MACROD2: variants seen among roughly 807,000 people sequenced by gnomAD.
The protein encoded by MACROD2 is mono-ADP ribosylhydrolase 2.
In MACROD2, 36 loss-of-function variants were observed where a neutral mutation model predicts 70.4. That is an observed-to-expected ratio of 0.51 (90% CI 0.39 to 0.68). MACROD2 has a LOEUF of 0.68. MACROD2 is among the 30% of genes least tolerant of loss of function. The probability of loss-of-function intolerance (pLI) is 0.00; values close to 1 mark genes in which losing one functional copy is unlikely to be tolerated. For missense variants in MACROD2, 496 were observed against 538.4 expected, an observed-to-expected ratio of 0.92 and a Z score of 0.78; for synonymous variants, 172 against 178.8, an observed-to-expected ratio of 0.96 and a Z score of 0.30.
rs571289595 is a variant in MACROD2, at chr20:15,101,438, T to TCCTCTC, written c.419-128498_419-128493dup. Among the ~76,000 whole-genome samples, 509 of 151,284 alleles carry TCCTCTC rather than the reference T, an allele frequency of 3.4e-3. 11 individuals carry two copies. Among genetic ancestry groups the TCCTCTC allele is most frequent in the African/African-American group, 0.012 (488 of 41,228 alleles). Reference sequence around the variant, plus strand: ...GCCATTGTAGAATGCCAGACTACTTTCCTCTCCCTTTTACATGTGATAGAC... The same window carrying TCCTCTC: ...GCCATTGTAGAATGCCAGACTACTTTCCTCTCCCTCTCCCTTTTACATGTGATAGAC... On this transcript the variant is annotated intron_variant, in intron 5 of 17. Transcript: ENST00000684519.
At chr20:15,034,540 A>ACAT (rs2075298743) in intron 5 of MACROD2, among the ~76,000 whole-genome samples, 2 of 151,932 alleles carry the variant, frequency 1.3e-5, no homozygotes, top group Non-Finnish European at 2.9e-5. Flanking sequence ...GATTTATAAT[A>ACAT]GAAAGTACAA....
intron 3 of MACROD2, among the ~76,000 whole-genome samples, chr20:14,165,221 C>G (rs2055250435): frequency 6.6e-6 from 1 of 152,136 alleles, no homozygotes; most frequent in African/African-American, 2.4e-5. Context: ...AGTCTCCAGG[C>G]AGCTCTCTAT....
intron 5 of MACROD2, among the ~76,000 whole-genome samples, chr20:15,002,836 A>C (rs559803724): frequency 6.6e-6 from 1 of 152,290 alleles, no homozygotes; most frequent in African/African-American, 2.4e-5. Context: ...ATTTGGGCCC[A>C]CTATTGTCAA....
intron 5 of MACROD2, among the ~76,000 whole-genome samples, chr20:15,070,902 T>C (rs1184560655): frequency 6.8e-6 from 1 of 147,642 alleles, no homozygotes; most frequent in East Asian, 1.9e-4. Flanking sequence ...TTGTTTTGTT[T>C]TGTTTTTGGA....
chr20:15,499,489 A>G lies in MACROD2; in HGVS notation c.572-285A>G, dbSNP rs145612608. Among the ~76,000 whole-genome samples the G allele has an allele frequency of 5.4e-3, 815 of 152,290 alleles. 4 individuals are homozygous for G. Among genetic ancestry groups the G allele is most frequent in the Admixed American group, 0.012 (182 of 15,284 alleles). Reference sequence around the variant, plus strand: ...GAAAGTATATTGTAATCTATTATGCATATGTAAATATGTTTTTAATTGATA... The same window carrying G: ...GAAAGTATATTGTAATCTATTATGCGTATGTAAATATGTTTTTAATTGATA... On this transcript the variant is annotated intron_variant, in intron 7 of 17. Coordinates refer to ENST00000684519, the MANE Select transcript of MACROD2 (RefSeq NM_001351661.2).
rs143691172 is a variant in MACROD2, at chr20:14,008,266, C to T, written c.163+5862C>T. On this transcript the variant is annotated intron_variant, in intron 2 of 17. Transcript: ENST00000684519. ...AGCTTTTCAAGCTGATAAGCAACTT[C>T]AGCAAAGTCTCAGGATACAAAATAA... 3.7e-3 allele frequency among the ~76,000 whole-genome samples: 559 copies of T among 152,318 alleles called. 1 individual carries two copies. The highest frequency in any genetic ancestry group is 6.2e-3 in the Non-Finnish European group (423 of 68,024).
chr20:15,780,242 A>G (rs1390925212), intron 8 of MACROD2, among the ~76,000 whole-genome samples: 2 of 152,170 alleles, frequency 1.3e-5, no homozygotes, highest in African/African-American at 4.8e-5. Context: ...TATTTATTTA[A>G]GATTCTAGAA....
At chr20:14,019,068 G>T (rs932240217) in intron 2 of MACROD2, among the ~76,000 whole-genome samples, 5 of 152,062 alleles carry the variant, frequency 3.3e-5, no homozygotes, top group African/African-American at 1.2e-4. Flanking sequence ...GGCACTCCTT[G>T]CTTCTTAATT....
chr20:16,026,560 C>T (rs539246493), intron 15 of MACROD2, among the ~76,000 whole-genome samples: 1 of 152,294 alleles, frequency 6.6e-6, no homozygotes, highest in South Asian at 2.1e-4. Flanking sequence ...GCTCTCTCAC[C>T]ACTGTCACTA....
chr20:14,883,388 T>G (rs2073633075), intron 5 of MACROD2, among the ~76,000 whole-genome samples: 1 of 152,160 alleles, frequency 6.6e-6, no homozygotes. Context: ...GAAATAATAC[T>G]TGGGTTTATA....
intron 5 of MACROD2, among the ~76,000 whole-genome samples, chr20:14,982,138 C>G (rs1360803518): frequency 6.6e-6 from 1 of 152,040 alleles, no homozygotes; most frequent in East Asian, 1.9e-4. Context: ...AGTATTTTGT[C>G]CCTGCCCTAG....
chr20:15,698,227 A>G (rs2050405288), intron 8 of MACROD2, among the ~76,000 whole-genome samples: 1 of 152,172 alleles, frequency 6.6e-6, no homozygotes. Flanking sequence ...ATTTGTTTCA[A>G]GATCTAGAAC....
chr20:14,954,930 A>G (rs1231677405), intron 5 of MACROD2, among the ~76,000 whole-genome samples: 1 of 98,848 alleles, frequency 1.0e-5, no homozygotes, highest in Non-Finnish European at 1.7e-5. Flanking sequence ...AATATATTAT[A>G]TATTTAATTA....
chr20:15,846,911 T>TTATATATATATATATA lies in MACROD2; in HGVS notation c.646-15808_646-15793dup, dbSNP rs33993940. On this transcript the variant is annotated intron_variant, in intron 8 of 17. Coordinates refer to ENST00000684519, the MANE Select transcript of MACROD2 (RefSeq NM_001351661.2). Reference sequence around the variant, plus strand: ...GACCTTGACATAGTCAAAAAAAAAATTATATATATATATATATATATATAT... The same window carrying TTATATATATATATATA: ...GACCTTGACATAGTCAAAAAAAAAATTATATATATATATATATATATATATATATATATATATATAT... Among the ~76,000 whole-genome samples the TTATATATATATATATA allele has an allele frequency of 1.1e-3, 154 of 138,020 alleles. 3 individuals carry two copies. The highest frequency in any genetic ancestry group is 1.7e-3 in the East Asian group (7 of 4,088). The allele number at this position is 138,020 out of a possible 152,430, so 90.5% of individuals were successfully genotyped here.
rs567018925 is a variant in MACROD2 at position 15,895,171 on chromosome 20, C to T, written c.775+9360C>T. On this transcript the variant is annotated intron_variant, in intron 10 of 17. Coordinates refer to ENST00000684519, the MANE Select transcript of MACROD2 (RefSeq NM_001351661.2). The stretch of plus-strand genomic sequence containing the variant: ...AGGGAATTCTTCCAAGTTACTCCTT[C>T]CAATGTGTGAAAACTTCATTTACTT... Among the ~76,000 whole-genome samples, 207 of 152,314 alleles carry T rather than the reference C, an allele frequency of 1.4e-3. 1 individual carries two copies. The highest frequency in any genetic ancestry group is 4.5e-3 in the African/African-American group (189 of 41,570).
At chr20:14,935,543 G>T (rs926949428) in intron 5 of MACROD2, among the ~76,000 whole-genome samples, 1 of 152,156 alleles carries the variant, frequency 6.6e-6, no homozygotes, top group Non-Finnish European at 1.5e-5. Context: ...TTCAACACAA[G>T]GCATGTGCTG....
chr20:15,963,666 T>C (rs11906981), intron 12 of MACROD2, among the ~76,000 whole-genome samples: 8,298 of 152,264 alleles, frequency 0.054, 340 homozygotes, highest in African/African-American at 0.12. Flanking sequence ...CAATGTCATC[T>C]TTCACCACAG....
At position 14,509,027 on chromosome 20, in the gene MACROD2, T is replaced by C. The variant is rs1005400282; in HGVS notation, c.301+15519T>C. The stretch of plus-strand genomic sequence containing the variant: ...AATCATATGCAACCATTAAAACTTA[T>C]AATTTTCAGACTGAGGAAAATCTGT... On this transcript the variant is annotated intron_variant, in intron 4 of 17. Coordinates refer to ENST00000684519, the MANE Select transcript of MACROD2 (RefSeq NM_001351661.2). Among the ~76,000 whole-genome samples the C allele has an allele frequency of 6.6e-5, 10 of 152,286 alleles. No individual in the cohort carries two copies. The East Asian group carries it at 1.4e-3, about 21-fold the overall frequency.
At chr20:14,190,698 A>ATT (rs1161419446) in intron 3 of MACROD2, among the ~76,000 whole-genome samples, 1 of 28,090 alleles carries the variant, frequency 3.6e-5, no homozygotes, top group African/African-American at 1.2e-4. Flanking sequence ...ATATATATAT[A>ATT]TTTTTTTTTT....
Sources: gnomAD v4.1 joint callset for allele counts (sites outside exome capture counted in the v4.1 genomes callset) on GRCh38, gnomAD v4.1.1 for gene constraint, MANE v1.5 for transcripts, NCBI Gene and HGNC (gene_info 2026-07-23, HGNC 2026-07-21) for gene names.